The following PHACTR3 variants were observed in gnomAD, a reference collection of about 807,000 sequenced individuals.
PHACTR3 encodes the protein phosphatase and actin regulator 3.
A neutral mutation model predicts 66.8 loss-of-function variants in PHACTR3; 16 were observed. The ratio of observed to expected loss-of-function variants is 0.24; its 90% CI spans 0.16 to 0.36. The LOEUF (loss-of-function observed/expected upper bound fraction) is 0.36. Ranked by LOEUF, PHACTR3 falls within the 10% of genes least tolerant of loss-of-function variation. The probability of loss-of-function intolerance (pLI) is 1.00; values close to 1 mark genes in which losing one functional copy is unlikely to be tolerated. For missense variants in PHACTR3, 647 were observed against 719.9 expected (o/e 0.90, Z 1.16); for synonymous variants, 323 against 292.1 (o/e 1.11, Z -1.08).
Position 59,614,694 on chromosome 20 carries a change from G to A in PHACTR3, c.118+9562G>A, listed in dbSNP as rs78254717. Reference sequence around the variant, plus strand: ...GGTCTTGCAATACTCTTCCTAATGAGTTGTATTGTTATGGCATTACTTTTT... The same window carrying A: ...GGTCTTGCAATACTCTTCCTAATGAATTGTATTGTTATGGCATTACTTTTT... On this transcript the variant is annotated intron_variant, in intron 1 of 12. Coordinates refer to ENST00000371015, the MANE Select transcript of PHACTR3 (RefSeq NM_080672.5). Among the ~76,000 whole-genome samples, 477 of 152,292 alleles carry A rather than the reference G, an allele frequency of 3.1e-3. 5 individuals are homozygous for A. The highest frequency in any genetic ancestry group is 0.011 in the African/African-American group (453 of 41,564).
chr20:59,840,867 T>A (rs1311886653), intron 10 of PHACTR3, among the ~76,000 whole-genome samples: 3 of 152,152 alleles, frequency 2.0e-5, no homozygotes, highest in African/African-American at 7.2e-5. Context: ...GTTTGTTCTC[T>A]GTGACTCAAA....
intron 9 of PHACTR3, among the ~76,000 whole-genome samples, chr20:59,837,459 T>C (rs2058986751): frequency 6.6e-6 from 1 of 152,196 alleles, no homozygotes; most frequent in Admixed American, 6.5e-5. Flanking sequence ...CCTCCCTCCT[T>C]TCTTTGCCTC....
intron 1 of PHACTR3, among the ~76,000 whole-genome samples, chr20:59,737,091 C>T (rs765515423): frequency 3.9e-5 from 6 of 152,152 alleles, no homozygotes; most frequent in Admixed American, 6.5e-5. Context: ...TCCCTGACTA[C>T]GACCCTGCCT....
intron 1 of PHACTR3, among the ~76,000 whole-genome samples, chr20:59,711,834 A>G (rs957714906): frequency 7.2e-5 from 11 of 152,194 alleles, no homozygotes; most frequent in African/African-American, 2.4e-4. Flanking sequence ...GGTAACTTGT[A>G]GAGTTTAATT....
At chr20:59,713,364 T>G (rs6092815) in intron 1 of PHACTR3, among the ~76,000 whole-genome samples, 7,777 of 152,210 alleles carry the variant, frequency 0.051, 628 homozygotes, top group African/African-American at 0.18. Context: ...TAAAAAAATT[T>G]ATTGAATATG....
At chr20:59,808,751 T>A (rs1187596472) in intron 8 of PHACTR3, among the ~76,000 whole-genome samples, 2 of 152,102 alleles carry the variant, frequency 1.3e-5, no homozygotes, top group Non-Finnish European at 1.5e-5. Flanking sequence ...CTAGCAAGCT[T>A]CTAGGGCTGC....
rs1050198804 is a variant in PHACTR3 at position 59,820,608 on chromosome 20, T to C, written c.1328+14414T>C. On this transcript the variant is annotated intron_variant, in intron 8 of 12. Coordinates refer to ENST00000371015, the MANE Select transcript of PHACTR3 (RefSeq NM_080672.5). The surrounding 1 kb of genome is among the most constrained non-coding windows in gnomAD (Gnocchi z 4.6). The stretch of plus-strand genomic sequence containing the variant: ...CAGGGTACAGGGAGTGGGTCCCGAG[T>C]CCCATCCTGTGCAGGGGAGAGGCTC... 6.6e-6 allele frequency among the ~76,000 whole-genome samples: 1 copy of C among 151,958 alleles called. No individual in the cohort carries two copies. The highest frequency in any genetic ancestry group is 6.6e-5 in the Admixed American group (1 of 15,242).
chr20:59,676,626 A>G (rs762074233), intron 1 of PHACTR3: 6 of 893,648 alleles, frequency 6.7e-6, no homozygotes, highest in Non-Finnish European at 8.0e-6. Context: ...AGCAAGTGAG[A>G]GTGCCAGGGC....
At chr20:59,831,049 T>C (rs2042356317) in intron 8 of PHACTR3, among the ~76,000 whole-genome samples, 1 of 152,108 alleles carries the variant, frequency 6.6e-6, no homozygotes, top group Non-Finnish European at 1.5e-5. Flanking sequence ...CTGCTCCCTG[T>C]CTCCTCTGTG....
In PHACTR3 at chr20:59,659,450, G is replaced by A. The variant is rs936195305; in HGVS notation, c.118+54318G>A. Among the ~76,000 whole-genome samples, 3 of 140,890 alleles carry A rather than the reference G, an allele frequency of 2.1e-5. No homozygotes were observed. The South Asian group carries it at 6.7e-4, about 32-fold the overall frequency. The allele number at this position is 140,890 out of a possible 152,430, so 92.4% of individuals were successfully genotyped here. A position where few individuals can be genotyped will look rare whatever the true frequency, so the allele number is the denominator to read the frequency against. ...TCCAGTTGTGCAATCTCAGCTGACT[G>A]CAACCTCTGCCTCCTGGATTCAAGT... On this transcript the variant is annotated intron_variant, in intron 1 of 12. Transcript: ENST00000371015.
At chr20:59,684,937 T>C (rs2036805534) in intron 1 of PHACTR3, among the ~76,000 whole-genome samples, 1 of 152,122 alleles carries the variant, frequency 6.6e-6, no homozygotes, top group African/African-American at 2.4e-5. Context: ...AGCACGTCCC[T>C]TGGCTTCCCA....
chr20:59,644,487 A>G (rs2035214998), intron 1 of PHACTR3, among the ~76,000 whole-genome samples: 3 of 152,134 alleles, frequency 2.0e-5, no homozygotes, highest in Admixed American at 6.5e-5. Context: ...GTAGACTCCA[A>G]CAGGGGGCGG....
At chr20:59,619,674 T>C (rs914712701) in intron 1 of PHACTR3, among the ~76,000 whole-genome samples, 1 of 152,010 alleles carries the variant, frequency 6.6e-6, no homozygotes, top group Non-Finnish European at 1.5e-5. Flanking sequence ...AGCTAATAAG[T>C]GGGTGTTATT....
rs1373939080 is a variant in PHACTR3 at position 59,806,208 on chromosome 20, T to C, written c.1328+14T>C. On this transcript the variant is annotated intron_variant, in intron 8 of 12. Coordinates refer to ENST00000371015, the MANE Select transcript of PHACTR3 (RefSeq NM_080672.5). ...GAAGCTTTCCAAGTAAGTGGCAGCT[T>C]GCGGGCACAGCCGGGCCTGTGCTCT... The C allele has an allele frequency of 1.3e-5, 21 of 1,612,676 alleles. No homozygotes were observed. The highest frequency in any genetic ancestry group is 1.8e-5 in the Non-Finnish European group (21 of 1,179,360).
At chr20:59,740,076 C>G (rs185742253) in intron 1 of PHACTR3, among the ~76,000 whole-genome samples, 4 of 152,072 alleles carry the variant, frequency 2.6e-5, no homozygotes, top group African/African-American at 2.4e-5. Context: ...TAGTCCTGGC[C>G]CTGCACAGGC....
chr20:59,589,961 G>A lies in PHACTR3; in HGVS notation c.109+12344G>A, dbSNP rs111742026. On this transcript the variant is annotated intron_variant, in intron 1 of 12. Transcript: ENST00000359926. ...GTAGGGAGCTCAGACAGCCGCCGTC[G>A]TGGAGTCTAGGCTCTTCCCTCCGCT... Among the ~76,000 whole-genome samples, 39 of 152,322 alleles carry A rather than the reference G, an allele frequency of 2.6e-4. 1 individual carries two copies. The highest frequency in any genetic ancestry group is 1.7e-3 in the South Asian group (8 of 4,824).
chr20:59,800,649 T>C (rs1036725839), intron 7 of PHACTR3, among the ~76,000 whole-genome samples: 6 of 152,244 alleles, frequency 3.9e-5, no homozygotes, highest in African/African-American at 1.4e-4. Context: ...TCTTTATGTT[T>C]CATGCATAAA....
Position 59,755,058 on chromosome 20 carries a change from G to C in PHACTR3, c.359-124G>C, listed in dbSNP as rs368285561. 14 of 930,314 alleles carry C rather than the reference G, an allele frequency of 1.5e-5. 1 individual carries two copies. Among genetic ancestry groups the C allele is most frequent in the African/African-American group, 5.0e-5 (3 of 60,416 alleles). The allele number at this position is 930,314 out of a possible 1,614,324, so 57.6% of individuals were successfully genotyped here. ...GAGGGACTCCTAGGGTGTGTGGTGAGGGGGAGAGGGGTGGGGGACCACCCA... is the reference window on the plus strand; with the variant it reads ...GAGGGACTCCTAGGGTGTGTGGTGACGGGGAGAGGGGTGGGGGACCACCCA... On this transcript the variant is annotated intron_variant, in intron 3 of 12. Transcript: ENST00000371015.
intron 1 of PHACTR3, among the ~76,000 whole-genome samples, chr20:59,664,388 T>C (rs2146485793): frequency 6.6e-6 from 1 of 152,256 alleles, no homozygotes; most frequent in East Asian, 1.9e-4. Flanking sequence ...CTACTCTGGT[T>C]ACAGTCCTGC....
Sources: gnomAD v4.1 joint callset for allele counts (sites outside exome capture counted in the v4.1 genomes callset) on GRCh38, gnomAD v4.1.1 for gene constraint, Gnocchi (gnomAD v3.1) non-coding constraint, MANE v1.5 for transcripts, NCBI Gene and HGNC (gene_info 2026-07-23, HGNC 2026-07-21) for gene names.